Variants in TTC6 observed in about 807,000 individuals in gnomAD.
The protein encoded by TTC6 is tetratricopeptide repeat protein 6.
In TTC6, 172 loss-of-function variants were observed where a neutral mutation model predicts 210.4. That is an observed-to-expected ratio of 0.82 (90% confidence interval 0.72 to 0.93). The LOEUF (loss-of-function observed/expected upper bound fraction) is 0.93, where lower values mean the gene tolerates loss of function less well. Among genes scored for constraint, TTC6 ranks in the 40% least tolerant of loss-of-function variants. TTC6 has a pLI of 0.00. For missense variants in TTC6, 2,414 were observed against 2,318.1 expected (o/e 1.04, Z -0.85); for synonymous variants, 804 against 819.6 (o/e 0.98, Z 0.32).
chr14:37,737,617 G>T (rs979745720), intron 8 of TTC6, 43 bp from the exon 11 acceptor site: 3 of 1,136,732 alleles, frequency 2.6e-6, no homozygotes, highest in Non-Finnish European at 2.5e-6. Context: ...TTATCAGATA[G>T]TATCTGTGAC....
intron 14 of TTC6, among the ~76,000 whole-genome samples, chr14:37,770,370 G>C (rs2096014010): frequency 1.3e-5 from 2 of 152,264 alleles, no homozygotes; most frequent in African/African-American, 4.8e-5. Context: ...TTGACTTTCT[G>C]TCTCATTGAA....
intron 26 of TTC6, among the ~76,000 whole-genome samples, chr14:37,821,020 TTCC>T (rs1356667993): frequency 7.4e-5 from 4 of 53,958 alleles, no homozygotes; most frequent in Admixed American, 2.3e-4. Context: ...CTTCTTCTTC[TTCC>T]TCTTCTTCTT....
intron 26 of TTC6, among the ~76,000 whole-genome samples, chr14:37,820,242 CT>C (rs1290090053): frequency 6.6e-6 from 1 of 152,202 alleles, no homozygotes; most frequent in African/African-American, 2.4e-5. Flanking sequence ...ATTTTCAGCA[CT>C]TTCACCTCCC....
chr14:37,627,001 T>C (rs143709326), intron 1 of TTC6, among the ~76,000 whole-genome samples: 90 of 152,222 alleles, frequency 5.9e-4, no homozygotes, highest in African/African-American at 2.0e-3. Context: ...GTGGGAGGTG[T>C]TTGGGTCATG....
intron 1 of TTC6, among the ~76,000 whole-genome samples, chr14:37,639,886 A>T (rs1244000158): frequency 1.8e-5 from 2 of 110,070 alleles, no homozygotes; most frequent in Admixed American, 8.6e-5. Flanking sequence ...ACCCTGTCTT[A>T]AAAAAAAAAA....
chr14:37,811,286 G>C (rs917987605), intron 24 of TTC6, among the ~76,000 whole-genome samples: 1 of 151,940 alleles, frequency 6.6e-6, no homozygotes, highest in Non-Finnish European at 1.5e-5. Context: ...TTCTAGGTTT[G>C]GTTTTTTCTT....
chr14:37,624,455 A>G (rs1253091034), intron 1 of TTC6, among the ~76,000 whole-genome samples: 1 of 152,216 alleles, frequency 6.6e-6, no homozygotes, highest in African/African-American at 2.4e-5. Flanking sequence ...AAACTGGTCC[A>G]GAGGTCCCGT....
chr14:37,625,171 T>G (rs1325036651), intron 1 of TTC6, among the ~76,000 whole-genome samples: 2 of 152,118 alleles, frequency 1.3e-5, no homozygotes, highest in Non-Finnish European at 2.9e-5. Flanking sequence ...AAAAGTGGCT[T>G]CAGAAGTTTT....
intron 26 of TTC6, among the ~76,000 whole-genome samples, chr14:37,817,939 G>T (rs79923283): frequency 2.6e-5 from 4 of 152,150 alleles, no homozygotes; most frequent in Non-Finnish European, 4.4e-5. Flanking sequence ...AAGCATAGGT[G>T]CTGGGAAAGG....
At chr14:37,788,422 C>T (rs1424057636) in intron 15 of TTC6, among the ~76,000 whole-genome samples, 1 of 152,100 alleles carries the variant, frequency 6.6e-6, no homozygotes, top group African/African-American at 2.4e-5. Flanking sequence ...TAGATTTCCA[C>T]AGGGAAGAAG....
intron 7 of TTC6, among the ~76,000 whole-genome samples, chr14:37,727,515 G>A (rs758894248): frequency 4.0e-5 from 5 of 123,496 alleles, no homozygotes; most frequent in South Asian, 3.0e-4. Flanking sequence ...GGATGGTCTT[G>A]ATCTCCTGAC....
chr14:37,671,194 G>T (rs902290948), intron 1 of TTC6, among the ~76,000 whole-genome samples: 1 of 152,182 alleles, frequency 6.6e-6, no homozygotes, highest in African/African-American at 2.4e-5. Context: ...GCAATTTGGT[G>T]CTGGTTGTTG....
chr14:37,633,095 G>T (rs994040216), intron 1 of TTC6, among the ~76,000 whole-genome samples: 16 of 152,274 alleles, frequency 1.1e-4, no homozygotes, highest in Admixed American at 9.8e-4. Flanking sequence ...AGACCACTTG[G>T]CTCCCTGGCT....
At chr14:37,796,231 G>T in intron 18 of TTC6, 63 bp from the exon 21 acceptor site, 1 of 713,258 alleles carries the variant, frequency 1.4e-6, no homozygotes. Flanking sequence ...CTGATTAGAA[G>T]AAACTTTATT....
intron 1 of TTC6, among the ~76,000 whole-genome samples, chr14:37,659,509 G>A (rs142917913): frequency 8.0e-5 from 12 of 149,352 alleles, no homozygotes; most frequent in East Asian, 2.0e-4. Flanking sequence ...TCTCGTTGTC[G>A]TTTTATTTTA....
chr14:37,753,347 A>G, intron 14 of TTC6, 112 bp downstream of exon 16: 3 of 891,986 alleles, frequency 3.4e-6, no homozygotes, highest in South Asian at 2.3e-5. Flanking sequence ...ACAATGAATC[A>G]ATTTTCAGTG....
chr14:37,767,578 T>G (rs960648720), intron 14 of TTC6, among the ~76,000 whole-genome samples: 1 of 152,224 alleles, frequency 6.6e-6, no homozygotes, highest in African/African-American at 2.4e-5. Context: ...TCATGTGTTT[T>G]TTGGCTACAT....
In TTC6 at chr14:37,754,685, G is replaced by T. The variant is rs548650876; in HGVS notation, c.3266+1450G>T. On this transcript the variant is annotated intron_variant, in intron 14 of 30. Coordinates refer to ENST00000553443, the Ensembl canonical transcript of TTC6. ...TGACCTTAGGTGATCCACCCATCTT[G>T]GTCTCCCAAAGTGCTGGGATTACAG... Among the ~76,000 whole-genome samples the T allele has an allele frequency of 5.3e-5, 8 of 152,152 alleles. No individual in the cohort carries two copies. The East Asian group carries it at 1.6e-3, about 29-fold the overall frequency.
At chr14:37,706,376 C>T (rs1453149086) in intron 5 of TTC6, among the ~76,000 whole-genome samples, 1 of 152,028 alleles carries the variant, frequency 6.6e-6, no homozygotes, top group Non-Finnish European at 1.5e-5. Flanking sequence ...CTCCTGGTGT[C>T]TCCTCATCTC....
Sources: gnomAD v4.1 joint callset for allele counts (sites outside exome capture counted in the v4.1 genomes callset) on GRCh38, gnomAD v4.1.1 for gene constraint, MANE v1.5 for transcripts, NCBI Gene and HGNC (gene_info 2026-07-23, HGNC 2026-07-21) for gene names.